CSDE1: variants seen among roughly 807,000 people sequenced by gnomAD.
The protein encoded by CSDE1 is cold shock domain containing E1, also known as cold shock domain-containing protein E1.
CSDE1 carries 17 observed loss-of-function variants against 89.3 expected under a neutral mutation model. That is an observed-to-expected ratio of 0.19 (90% CI 0.13 to 0.29). The LOEUF (loss-of-function observed/expected upper bound fraction) is 0.29, where lower values mean the gene tolerates loss of function less well. CSDE1 is among the 10% of genes least tolerant of loss of function. CSDE1 has a pLI of 1.00. For missense variants in CSDE1, 672 were observed against 984.2 expected (o/e 0.68, Z 4.24); for synonymous variants, 322 against 332.8 (o/e 0.97, Z 0.35).
At chr1:114,741,501 C>T in intron 2 of CSDE1, 1 of 1,539,168 alleles carries the variant, frequency 6.5e-7, no homozygotes, top group Non-Finnish European at 8.8e-7. Context: ...GCAAGGTAAG[C>T]TGAGATGACT....
intron 16 of CSDE1, among the ~76,000 whole-genome samples, chr1:114,722,063 G>C (rs1388447665): frequency 5.3e-5 from 8 of 151,904 alleles, no homozygotes; most frequent in Admixed American, 5.2e-4. Flanking sequence ...TGTATTTTTA[G>C]GAGAGACAGG....
At chr1:114,756,430 T>C (rs533148219) in intron 1 of CSDE1, among the ~76,000 whole-genome samples, 104 of 152,362 alleles carry the variant, frequency 6.8e-4, no homozygotes, top group African/African-American at 2.5e-3. Flanking sequence ...ATATCCATTA[T>C]TGGTTAGTAC....
intron 14 of CSDE1, 94 bp from the exon 15 acceptor site, chr1:114,725,427 C>A: frequency 1.1e-6 from 1 of 947,136 alleles, no homozygotes. Context: ...CATGGCATGG[C>A]ATGCTTATTT....
chr1:114,756,502 TTAGTTA>T (rs1462721442), intron 1 of CSDE1, among the ~76,000 whole-genome samples: 1 of 152,218 alleles, frequency 6.6e-6, no homozygotes, highest in Non-Finnish European at 1.5e-5. Flanking sequence ...ATGTTTGCCT[TTAGTTA>T]CTCAAAATGA....
chr1:114,729,625 C>T (rs1310941665), intron 12 of CSDE1, among the ~76,000 whole-genome samples: 7 of 151,932 alleles, frequency 4.6e-5, no homozygotes, highest in African/African-American at 1.5e-4. Context: ...TCTTTCCTGT[C>T]TCCATCTGTT....
intron 1 of CSDE1, among the ~76,000 whole-genome samples, chr1:114,757,604 C>T (rs753645138): frequency 1.5e-4 from 23 of 152,130 alleles, no homozygotes; most frequent in Non-Finnish European, 2.6e-4. Context: ...AGCCCCGCAC[C>T]CTCTGCCTCC....
chr1:114,720,508 C>A, intron 17 of CSDE1, 31 bp downstream of exon 17: 2 of 1,571,208 alleles, frequency 1.3e-6, no homozygotes, highest in Admixed American at 1.8e-5. Context: ...ATAGAAGGAT[C>A]AAATTCAGAT....
intron 2 of CSDE1, among the ~76,000 whole-genome samples, chr1:114,744,067 A>C (rs1269768478): frequency 2.6e-5 from 4 of 152,260 alleles, no homozygotes; most frequent in African/African-American, 9.6e-5. Flanking sequence ...TCACAAAAAC[A>C]ATTACATGAA....
intron 1 of CSDE1, among the ~76,000 whole-genome samples, chr1:114,757,235 A>C (rs951543540): frequency 4.6e-5 from 7 of 152,202 alleles, no homozygotes; most frequent in Admixed American, 2.0e-4. Context: ...TGACTGGAGT[A>C]ACGATGTCAA....
intron 14 of CSDE1, 72 bp from the exon 15 acceptor site, chr1:114,725,405 T>C (rs1003809666): frequency 1.0e-5 from 12 of 1,154,932 alleles, no homozygotes; most frequent in Admixed American, 8.5e-5. Context: ...GTCTTTATTT[T>C]ACAGTAACAG....
intron 14 of CSDE1, among the ~76,000 whole-genome samples, chr1:114,725,835 C>T (rs985011209): frequency 1.3e-5 from 2 of 152,088 alleles, no homozygotes; most frequent in Non-Finnish European, 2.9e-5. Context: ...GGAGTTTCAC[C>T]GTGTTGCTCA....
chr1:114,747,110 G>C lies in CSDE1; in HGVS notation c.-1+2711C>G, dbSNP rs533729162. Reference sequence around the variant, plus strand: ...TTGTCTGTCACCTTTAGACTAACCTGGATCAAATCATTCACCAAACAATTC... The same window carrying C: ...TTGTCTGTCACCTTTAGACTAACCTCGATCAAATCATTCACCAAACAATTC... On this transcript the variant is annotated intron_variant, in intron 2 of 19. Coordinates refer to ENST00000358528, the MANE Select transcript of CSDE1 (RefSeq NM_001007553.3). 2.0e-5 allele frequency among the ~76,000 whole-genome samples: 3 copies of C among 152,228 alleles called. No individual in the cohort carries two copies. The South Asian group carries it at 6.2e-4, about 32-fold the overall frequency.
intron 6 of CSDE1, among the ~76,000 whole-genome samples, chr1:114,735,113 A>G (rs538507266): frequency 6.6e-6 from 1 of 152,334 alleles, no homozygotes; most frequent in East Asian, 1.9e-4. Flanking sequence ...AAGTAATGAT[A>G]TCCACCTCCA....
chr1:114,736,216 C>T (rs1013749067), intron 6 of CSDE1, among the ~76,000 whole-genome samples: 4 of 152,166 alleles, frequency 2.6e-5, no homozygotes, highest in African/African-American at 9.7e-5. Flanking sequence ...AGGCGGTCAT[C>T]TTTCACGTTA....
intron 2 of CSDE1, chr1:114,741,698 A>G (rs1405674815): frequency 1.4e-6 from 2 of 1,476,012 alleles, no homozygotes; most frequent in Non-Finnish European, 1.8e-6. Context: ...CATAATGTTG[A>G]TAACTATGAT....
Position 114,717,843 on chromosome 1 carries a change from A to G in CSDE1, c.*326T>C, listed in dbSNP as rs1659271947. On this transcript the variant is annotated 3_prime_UTR_variant, in exon 20 of 20. Transcript: ENST00000358528. ...AATTTCATAGGGCCAACAAGATAAC[A>G]GTCTATATTTTTCACTTACACAGGC... 1 of 311,654 alleles carries G rather than the reference A, an allele frequency of 3.2e-6. No individual in the cohort carries two copies. Among genetic ancestry groups the G allele is most frequent in the Non-Finnish European group, 5.9e-6 (1 of 169,830 alleles). The allele number at this position is 311,654 out of a possible 1,614,324, so 19.3% of individuals were successfully genotyped here.
intron 12 of CSDE1, among the ~76,000 whole-genome samples, chr1:114,728,224 C>T (rs986075148): frequency 6.6e-6 from 1 of 152,140 alleles, no homozygotes; most frequent in Non-Finnish European, 1.5e-5. Flanking sequence ...CAAAACCCAG[C>T]GCAAAATAAT....
intron 1 of CSDE1, chr1:114,756,868 T>TG (rs1010118205): frequency 6.6e-6 from 1 of 152,266 alleles, no homozygotes; most frequent in African/African-American, 2.4e-5. Context: ...GGCCGCCATC[T>TG]GGGTGTTTCT....
intron 1 of CSDE1, among the ~76,000 whole-genome samples, chr1:114,757,500 G>A (rs1158329407): frequency 6.6e-6 from 1 of 151,258 alleles, no homozygotes. Flanking sequence ...CCACCCCCTC[G>A]CCCCGCCCGC....
Sources: allele counts gnomAD v4.1 joint callset (sites outside exome capture counted in the v4.1 genomes callset), GRCh38; gene constraint gnomAD v4.1.1; transcripts MANE v1.5; gene names NCBI Gene and HGNC (gene_info 2026-07-23, HGNC 2026-07-21).